Variants in PKD1L1 observed in about 807,000 individuals in gnomAD.
PKD1L1 encodes the protein polycystin 1 like 1, transient receptor potential channel interacting, also known as polycystin-1-like protein 1.
Under a neutral mutation model 323.4 loss-of-function variants are expected in PKD1L1, and 236 were observed. That is an observed-to-expected ratio of 0.73 (90% CI 0.66 to 0.81). The LOEUF (loss-of-function observed/expected upper bound fraction) is 0.81, where lower values mean the gene tolerates loss of function less well. Among genes scored for constraint, PKD1L1 ranks in the 40% least tolerant of loss-of-function variants. PKD1L1 has a pLI of 0.00. For missense variants in PKD1L1, 3,320 were observed against 3,508.0 expected (o/e 0.95, Z 1.35); for synonymous variants, 1,344 against 1,335.0 (o/e 1.01, Z -0.15).
intron 16 of PKD1L1, among the ~76,000 whole-genome samples, chr7:47,890,202 G>C (rs4486100): frequency 0.046 from 6,999 of 152,284 alleles, 391 homozygotes; most frequent in African/African-American, 0.14. Flanking sequence ...TGATGGCTTT[G>C]CCTCCTGGCT....
intron 56 of PKD1L1, among the ~76,000 whole-genome samples, chr7:47,780,371 C>A (rs1338855170): frequency 1.3e-5 from 2 of 152,120 alleles, no homozygotes; most frequent in African/African-American, 4.8e-5. Context: ...GTGGCTCATG[C>A]CTGTAATCCC....
Position 47,905,776 on chromosome 7 carries a change from T to C in PKD1L1, c.1522+67A>G, listed in dbSNP as rs527704367. 31 of 1,588,420 alleles carry C rather than the reference T, an allele frequency of 2.0e-5. No individual in the cohort carries two copies. The South Asian group carries it at 3.3e-4, about 17-fold the overall frequency. Reference sequence around the variant, plus strand: ...AACAAAACCTGCTGCTGCCTACGGCTTTCCTAATCTCAGCTGACTGCGCGA... The same window carrying C: ...AACAAAACCTGCTGCTGCCTACGGCCTTCCTAATCTCAGCTGACTGCGCGA... On this transcript the variant is annotated intron_variant, in intron 10 of 56. Coordinates refer to ENST00000289672, the MANE Select transcript of PKD1L1 (RefSeq NM_138295.5).
rs7798676 is a variant in PKD1L1 at position 47,905,546 on chromosome 7, C to A, written c.1523-221G>T. Reference sequence around the variant, plus strand: ...CAAAGTGCTTGCACAGGAGGTGCTCCTAAGGCCATAGGGCCAACTCCCTTT... The same window carrying A: ...CAAAGTGCTTGCACAGGAGGTGCTCATAAGGCCATAGGGCCAACTCCCTTT... On this transcript the variant is annotated intron_variant, in intron 10 of 56. Transcript: ENST00000289672. Among the ~76,000 whole-genome samples the A allele has an allele frequency of 2.5e-3, 377 of 152,320 alleles. 3 individuals carry two copies. The highest frequency in any genetic ancestry group is 8.8e-3 in the African/African-American group (364 of 41,558).
At chr7:47,783,653 G>C (rs1351472086) in intron 56 of PKD1L1, among the ~76,000 whole-genome samples, 1 of 152,128 alleles carries the variant, frequency 6.6e-6, no homozygotes, top group Admixed American at 6.6e-5. Context: ...CTGTAAAAAA[G>C]AGAACTACAC....
chr7:47,806,058 G>A (rs548180723), intron 52 of PKD1L1, among the ~76,000 whole-genome samples: 2 of 152,192 alleles, frequency 1.3e-5, no homozygotes, highest in South Asian at 4.1e-4. Flanking sequence ...GGAACATAAT[G>A]AGAAAGATAG....
At position 47,946,278 on chromosome 7, in the gene PKD1L1, A is replaced by C. The variant is rs1215676329; in HGVS notation, c.44+2119T>G. ...ATGACAGATCTCTTAGAATCCCTTAAGAGTGAGTGTTTTTCGGGGCCTGTC... is the reference window on the plus strand; with the variant it reads ...ATGACAGATCTCTTAGAATCCCTTACGAGTGAGTGTTTTTCGGGGCCTGTC... On this transcript the variant is annotated intron_variant, in intron 1 of 56. Transcript: ENST00000289672. The surrounding 1 kb of genome is among the most constrained non-coding windows in gnomAD (Gnocchi z 4.1). Among the ~76,000 whole-genome samples, 1 of 152,088 alleles carries C rather than the reference A, an allele frequency of 6.6e-6. No individual in the cohort carries two copies. Among genetic ancestry groups the C allele is most frequent in the East Asian group, 1.9e-4 (1 of 5,190 alleles).
At chr7:47,873,587 CA>C (rs1786331656) in intron 24 of PKD1L1, among the ~76,000 whole-genome samples, 1 of 136,998 alleles carries the variant, frequency 7.3e-6, no homozygotes. Flanking sequence ...GTGGAGGTTG[CA>C]AGTGAGCCGA....
chr7:47,775,227 C>T, intron 56 of PKD1L1, 61 bp from the exon 57 acceptor site: 9 of 1,603,122 alleles, frequency 5.6e-6, no homozygotes, highest in Non-Finnish European at 7.7e-6. Flanking sequence ...ATTGACAGAA[C>T]AAATAGGCAG....
intron 7 of PKD1L1, among the ~76,000 whole-genome samples, chr7:47,928,478 G>C (rs941633301): frequency 3.3e-5 from 5 of 152,186 alleles, no homozygotes; most frequent in African/African-American, 7.2e-5. Flanking sequence ...GCTGAGGCGG[G>C]AGGATCCCTT....
At chr7:47,868,945 C>T (rs1303424267) in intron 24 of PKD1L1, among the ~76,000 whole-genome samples, 1 of 152,068 alleles carries the variant, frequency 6.6e-6, no homozygotes, top group Non-Finnish European at 1.5e-5. Flanking sequence ...GTTTGTAACA[C>T]TGATAGATGT....
At chr7:47,868,402 A>C (rs899896131) in intron 24 of PKD1L1, among the ~76,000 whole-genome samples, 1 of 151,836 alleles carries the variant, frequency 6.6e-6, no homozygotes, top group Admixed American at 6.6e-5. Context: ...AAACAACAAC[A>C]AAAAAAACAC....
intron 13 of PKD1L1, among the ~76,000 whole-genome samples, chr7:47,898,575 T>C (rs1296540909): frequency 6.6e-6 from 1 of 152,104 alleles, no homozygotes; most frequent in Non-Finnish European, 1.5e-5. Flanking sequence ...TGTGTATATA[T>C]AAATTTTTTA....
At chr7:47,832,729 C>T (rs1785373383) in intron 41 of PKD1L1, among the ~76,000 whole-genome samples, 1 of 152,242 alleles carries the variant, frequency 6.6e-6, no homozygotes, top group African/African-American at 2.4e-5. Context: ...GTAATCCCTG[C>T]CTCTACCAGC....
At chr7:47,881,073 G>A (rs1249553935) in intron 20 of PKD1L1, among the ~76,000 whole-genome samples, 1 of 151,950 alleles carries the variant, frequency 6.6e-6, no homozygotes, top group Non-Finnish European at 1.5e-5. Flanking sequence ...AGAGAATTCT[G>A]TTAGGATCTT....
At chr7:47,826,481 T>G (rs1158270391) in intron 45 of PKD1L1, among the ~76,000 whole-genome samples, 1 of 152,140 alleles carries the variant, frequency 6.6e-6, no homozygotes, top group Non-Finnish European at 1.5e-5. Flanking sequence ...TGAAAATATT[T>G]AAGGGGAAGC....
intron 19 of PKD1L1, among the ~76,000 whole-genome samples, chr7:47,883,119 G>A (rs138052964): frequency 1.5e-4 from 23 of 152,330 alleles, no homozygotes; most frequent in East Asian, 3.9e-4. Context: ...CTGTGAGTAC[G>A]AATGTGAGCC....
the PKD1L1 span, among the ~76,000 whole-genome samples, chr7:47,958,590 C>A: frequency 6.6e-6 from 1 of 152,106 alleles, no homozygotes; most frequent in Non-Finnish European, 1.5e-5. Flanking sequence ...ATGGGCAAAT[C>A]AAACTACATC....
At chr7:47,880,046 A>T (rs1786504833) in intron 21 of PKD1L1, among the ~76,000 whole-genome samples, 1 of 151,372 alleles carries the variant, frequency 6.6e-6, no homozygotes, top group Non-Finnish European at 1.5e-5. Context: ...ATGATCTCAG[A>T]TTGAGATAGG....
chr7:47,799,582 TG>T (rs1205800756), intron 54 of PKD1L1, among the ~76,000 whole-genome samples: 1 of 152,072 alleles, frequency 6.6e-6, no homozygotes, highest in African/African-American at 2.4e-5. Context: ...CACAAGACAA[TG>T]GGTGCAATGA....
Sources: gnomAD v4.1 joint callset for allele counts (sites outside exome capture counted in the v4.1 genomes callset) on GRCh38, gnomAD v4.1.1 for gene constraint, Gnocchi (gnomAD v3.1) non-coding constraint, MANE v1.5 for transcripts, NCBI Gene and HGNC (gene_info 2026-07-23, HGNC 2026-07-21) for gene names.